The following PKHD1L1 variants were observed in gnomAD, a reference collection of about 807,000 sequenced individuals.
The protein encoded by PKHD1L1 is PKHD1 like 1.
Under a neutral mutation model 462.9 loss-of-function variants are expected in PKHD1L1, and 434 were observed. The ratio of observed to expected loss-of-function variants is 0.94; its 90% CI spans 0.87 to 1.02. The LOEUF is 1.02. Ranked by LOEUF, PKHD1L1 falls within the 50% of genes least tolerant of loss-of-function variation. PKHD1L1 has a pLI of 0.00. For missense variants in PKHD1L1, 5,202 were observed against 5,096.1 expected, an observed-to-expected ratio of 1.02 and a Z score of -0.63; for synonymous variants, 1,781 against 1,750.0, an observed-to-expected ratio of 1.02 and a Z score of -0.44.
chr8:109,390,403 C>T (rs551035214), intron 8 of PKHD1L1, 49 bp from the exon 9 acceptor site: 4 of 1,108,368 alleles, frequency 3.6e-6, no homozygotes, highest in Middle Eastern at 2.2e-4. Flanking sequence ...AGTTATTGTT[C>T]TTCTGTGACT....
chr8:109,374,587 T>C (rs1811704187), intron 2 of PKHD1L1, among the ~76,000 whole-genome samples: 1 of 152,232 alleles, frequency 6.6e-6, no homozygotes, highest in Non-Finnish European at 1.5e-5. Flanking sequence ...TGCAGTTTCT[T>C]CCTAGCCTTG....
chr8:109,430,864 A>G (rs77093441), intron 27 of PKHD1L1, among the ~76,000 whole-genome samples: 4,585 of 152,232 alleles, frequency 0.03, 227 homozygotes, highest in African/African-American at 0.11. Flanking sequence ...TTCATGTTAC[A>G]TGGGGTTAAA....
At chr8:109,369,403 A>T (rs1811384370) in intron 2 of PKHD1L1, among the ~76,000 whole-genome samples, 1 of 152,190 alleles carries the variant, frequency 6.6e-6, no homozygotes, top group Non-Finnish European at 1.5e-5. Context: ...ATTAATAATA[A>T]CATTTATGAA....
At position 109,459,785 on chromosome 8, in the gene PKHD1L1, A is replaced by G. The variant is rs199650934; in HGVS notation, c.7195A>G (p.Asn2399Asp). 3.7e-5 allele frequency: 60 copies of G among 1,611,660 alleles called. No homozygotes were observed. In the African/African-American group the frequency reaches 6.8e-4, roughly 18 times the overall value. ...AAATATTTTAATAAGAGGATCTGAT[A>G]ATGTTGAGTGGAATAACAAAATTCC... ...TRNILIRGSDNVEWNNKIPAC... is the reference protein window; with the variant it reads ...TRNILIRGSDDVEWNNKIPAC... The change falls in exon 47 of 78, where the codon AAT becomes GAT. Residue 2399 changes from asparagine to aspartate, a missense_variant. By Grantham distance (23) the Asn-to-Asp change is conservative. Transcript: ENST00000378402.
chr8:109,516,575 T>C (rs989199538), intron 72 of PKHD1L1, among the ~76,000 whole-genome samples: 2 of 152,092 alleles, frequency 1.3e-5, no homozygotes, highest in African/African-American at 4.8e-5. Flanking sequence ...ATTCAGTCCA[T>C]AGCAGTCTCA....
chr8:109,497,336 A>T (rs77381429), intron 65 of PKHD1L1, 64 bp downstream of exon 65: 29,580 of 1,525,748 alleles, frequency 0.019, 971 homozygotes, highest in African/African-American at 0.14. Context: ...GGAATTTCTG[A>T]AGGACTAATA....
Position 109,491,998 on chromosome 8 carries a change from G to C in PKHD1L1, c.10236+4G>C, listed in dbSNP as rs1462679136. ...TCTCTGGCATGCAGCAATTGAGGTAGTGAAAACAAACTTATAATTATACTA... is the reference window on the plus strand; with the variant it reads ...TCTCTGGCATGCAGCAATTGAGGTACTGAAAACAAACTTATAATTATACTA... On this transcript the variant is annotated splice_donor_region_variant and intron_variant, in intron 62 of 77. Coordinates refer to ENST00000378402, the MANE Select transcript of PKHD1L1 (RefSeq NM_177531.6). The C allele has an allele frequency of 1.3e-6, 2 of 1,507,742 alleles. No individual in the cohort carries two copies. The highest frequency in any genetic ancestry group is 4.9e-5 in the East Asian group (2 of 40,868). 93.4% of individuals were successfully genotyped at this position (1,507,742 alleles called of 1,614,324 possible).
At chr8:109,434,301 T>A (rs1263210583) in intron 28 of PKHD1L1, among the ~76,000 whole-genome samples, 1 of 151,620 alleles carries the variant, frequency 6.6e-6, no homozygotes, top group Admixed American at 6.6e-5. Flanking sequence ...ATCCTCAATA[T>A]CAAATTCTCC....
rs779954673 is a variant in PKHD1L1 at position 109,445,127 on chromosome 8, GA to G, written c.5259del (p.Val1754SerfsTer7). On this transcript the variant is annotated frameshift_variant, in exon 38 of 78. Transcript: ENST00000378402. LOFTEE classifies it high-confidence loss of function. ...GAAAGCATCACTCCTTACATAACAG[GA>G]GTCTTCCCAAACTCTGTCATAGGAT... ...YLESITPYIT[G>X]VFPNSVIGSV... is the part of the protein sequence containing the mutation. 1.9e-6 allele frequency: 3 copies of G among 1,613,812 alleles called. No homozygotes were observed. The African/African-American group carries it at 4.0e-5, about 22-fold the overall frequency.
chr8:109,427,823 G>A (rs887602484), intron 25 of PKHD1L1, among the ~76,000 whole-genome samples: 2 of 151,974 alleles, frequency 1.3e-5, no homozygotes, highest in Non-Finnish European at 2.9e-5. Context: ...TTCGAGATGA[G>A]CCTGACCAAC....
Position 109,398,556 on chromosome 8 carries a change from AC to A in PKHD1L1, c.1012+10del. ...TCAAAACTGTATATCCAGGTAAGTT[AC>A]CATAAGGGACAATGGCCATTTCTAT... is the stretch of plus-strand genomic sequence containing the variant. On this transcript the variant is annotated intron_variant, in intron 12 of 77. Coordinates refer to ENST00000378402, the MANE Select transcript of PKHD1L1 (RefSeq NM_177531.6). The A allele has an allele frequency of 1.4e-6, 2 of 1,445,232 alleles. No homozygotes were observed. The highest frequency in any genetic ancestry group is 1.9e-6 in the Non-Finnish European group (2 of 1,049,764). The allele number at this position is 1,445,232 out of a possible 1,614,324, so 89.5% of individuals were successfully genotyped here.
At position 109,486,745 on chromosome 8, in the gene PKHD1L1, C is replaced by A; in HGVS notation, c.9804C>A (p.Tyr3268Ter). The A allele has an allele frequency of 6.2e-7, 1 of 1,612,468 alleles. No homozygotes were observed. Among genetic ancestry groups the A allele is most frequent in the Non-Finnish European group, 8.5e-7 (1 of 1,178,884 alleles). Residue 3268 changes from tyrosine to a stop codon, truncating the protein, a stop_gained, in exon 59 of 78, where the codon TAC (tyrosine) becomes TAA (stop). Transcript: ENST00000378402. LOFTEE classifies it high-confidence loss of function. ...SRNIKIVGED[Y>*]PGWSEDSFGA... Reference sequence around the variant, plus strand: ...ACATCAAAATAGTTGGTGAAGATTACCCCGGTTGGTCTGAGGACTCTTTTG... The same window carrying A: ...ACATCAAAATAGTTGGTGAAGATTAACCCGGTTGGTCTGAGGACTCTTTTG...
Position 109,505,889 on chromosome 8 carries a change from A to G in PKHD1L1, c.10994+1397A>G, listed in dbSNP as rs549232556. On this transcript the variant is annotated intron_variant, in intron 68 of 77. Transcript: ENST00000378402. ...CACTGCACTTCAGCTTGGGCAACAC[A>G]GTGAGACCCTGTCTCAGAAAAAAAG... Among the ~76,000 whole-genome samples the G allele has an allele frequency of 4.6e-5, 7 of 152,312 alleles. No individual in the cohort carries two copies. In the East Asian group the frequency reaches 1.4e-3, roughly 29 times the overall value.
chr8:109,406,025 C>G (rs1482314786), intron 16 of PKHD1L1, among the ~76,000 whole-genome samples: 2 of 152,146 alleles, frequency 1.3e-5, no homozygotes, highest in Non-Finnish European at 2.9e-5. Flanking sequence ...TTTGCTACTA[C>G]TGTTAATTGT....
rs555865888 is a variant in PKHD1L1 at position 109,519,933 on chromosome 8, G to A, written c.12031+1425G>A. 6.6e-5 allele frequency among the ~76,000 whole-genome samples: 10 copies of A among 151,596 alleles called. No homozygotes were observed. The East Asian group carries it at 7.8e-4, about 12-fold the overall frequency. On this transcript the variant is annotated intron_variant, in intron 73 of 77. Coordinates refer to ENST00000378402, the MANE Select transcript of PKHD1L1 (RefSeq NM_177531.6). Reference sequence around the variant, plus strand: ...TGTGTAAACCTGGGTACTGGGTGAAGTTCTCACTTTATGCCACTAGAGATC... The same window carrying A: ...TGTGTAAACCTGGGTACTGGGTGAAATTCTCACTTTATGCCACTAGAGATC...
At chr8:109,465,641 C>G (rs1387658769) in intron 49 of PKHD1L1, among the ~76,000 whole-genome samples, 2 of 152,112 alleles carry the variant, frequency 1.3e-5, no homozygotes, top group Admixed American at 6.6e-5. Flanking sequence ...GCCAGTCATG[C>G]TCCAGAAACA....
chr8:109,410,024 A>G (rs1159980900), intron 19 of PKHD1L1, 46 bp downstream of exon 19: 4 of 1,046,040 alleles, frequency 3.8e-6, no homozygotes, highest in Non-Finnish European at 5.5e-6. Context: ...ATAAGAATTT[A>G]TATAATGGTT....
In PKHD1L1 at chr8:109,479,593, T is replaced by A; in HGVS notation, c.9132T>A (p.Asn3044Lys). 1 of 1,538,910 alleles carries A rather than the reference T, an allele frequency of 6.5e-7. No individual in the cohort carries two copies. The highest frequency in any genetic ancestry group is 1.2e-5 in the South Asian group (1 of 86,078). ...NDSFWQSSRE[N>K]NYTVPHPGAN... ...CTTTTTGGCAATCATCACGAGAAAATAATTATACTGTACCTCACCCAGGGG... is the reference window on the plus strand; with the variant it reads ...CTTTTTGGCAATCATCACGAGAAAAAAATTATACTGTACCTCACCCAGGGG... The change falls in exon 54 of 78, where the codon AAT (asparagine) becomes AAA (lysine). Residue 3044 changes from asparagine to lysine, a missense_variant. By Grantham distance (94) the Asn-to-Lys change is moderately conservative. Around this residue, in one of 3 missense-constraint regions of PKHD1L1, gnomAD observed 4,497 missense variants for 4,336.8 expected, o/e 1.04. Transcript: ENST00000378402.
intron 55 of PKHD1L1, chr8:109,480,530 G>A (rs1818224540): frequency 6.9e-6 from 3 of 435,874 alleles, no homozygotes; most frequent in Admixed American, 2.7e-5. Context: ...AAAAACCAAA[G>A]GGACATAGAT....
Sources: allele counts gnomAD v4.1 joint callset (sites outside exome capture counted in the v4.1 genomes callset), GRCh38; gene constraint gnomAD v4.1.1; regional missense constraint gnomAD v4.1.1; transcripts MANE v1.5; gene names NCBI Gene and HGNC (gene_info 2026-07-23, HGNC 2026-07-21).